The following FUT8 variants were observed in gnomAD, a reference collection of about 807,000 sequenced individuals.
FUT8 encodes the protein fucosyltransferase 8.
Under a neutral mutation model 71.3 loss-of-function variants are expected in FUT8, and 29 were observed. That is an observed-to-expected ratio of 0.41 (90% confidence interval 0.30 to 0.55). The LOEUF is 0.55. FUT8 is among the 20% of genes least tolerant of loss of function. The pLI is 0.34. For synonymous variants in FUT8, 254 were observed against 239.3 expected, an observed-to-expected ratio of 1.06 and a Z score of -0.57; for missense variants, 544 against 702.1, an observed-to-expected ratio of 0.77 and a Z score of 2.55.
chr14:65,450,823 G>C lies in FUT8; in HGVS notation c.-325-4798G>C, dbSNP rs534812121. Reference sequence around the variant, plus strand: ...TTTCCCTGACTCCTTTGTGGGACTCGCAACAGGGGTGCCTTGTTTACCCAG... The same window carrying C: ...TTTCCCTGACTCCTTTGTGGGACTCCCAACAGGGGTGCCTTGTTTACCCAG... On this transcript the variant is annotated intron_variant, in intron 1 of 10. Coordinates refer to ENST00000673929, the MANE Select transcript of FUT8 (RefSeq NM_001371533.1). 2.6e-5 allele frequency among the ~76,000 whole-genome samples: 4 copies of C among 151,290 alleles called. No homozygotes were observed. The South Asian group carries it at 8.4e-4, about 32-fold the overall frequency.
In FUT8 at chr14:65,629,857, C is replaced by CACAA. The variant is rs879281017; in HGVS notation, c.597+252_597+253insCAAA. Among the ~76,000 whole-genome samples, 7,882 of 143,948 alleles carry CACAA rather than the reference C, an allele frequency of 0.055. 250 individuals carry two copies. The highest frequency in any genetic ancestry group is 0.11 in the Admixed American group (1,552 of 14,346). The allele number at this position is 143,948 out of a possible 152,430, so 94.4% of individuals were successfully genotyped here. On this transcript the variant is annotated intron_variant, in intron 6 of 10. Coordinates refer to ENST00000673929, the MANE Select transcript of FUT8 (RefSeq NM_001371533.1). ...ACACACACACACACACACACACACA[C>CACAA]AATACAATACAAATATAACATCTTA...
At chr14:65,680,184 G>A (rs1289991982) in intron 7 of FUT8, among the ~76,000 whole-genome samples, 1 of 152,222 alleles carries the variant, frequency 6.6e-6, no homozygotes, top group East Asian at 1.9e-4. Context: ...TATTATAGTT[G>A]AAAGGCCAGA....
intron 3 of FUT8, among the ~76,000 whole-genome samples, chr14:65,596,412 T>C (rs149153248): frequency 6.6e-5 from 10 of 152,328 alleles, no homozygotes; most frequent in Admixed American, 2.6e-4. Flanking sequence ...TATCATATAA[T>C]TTTATAGTAT....
intron 1 of FUT8, among the ~76,000 whole-genome samples, chr14:65,419,352 A>C (rs1266670859): frequency 6.6e-6 from 1 of 152,226 alleles, no homozygotes; most frequent in African/African-American, 2.4e-5. Flanking sequence ...TGTTCATTGA[A>C]GAGAACTAAC....
At position 65,517,947 on chromosome 14, in the gene FUT8, A is replaced by G. The variant is rs561217812; in HGVS notation, c.-227-43390A>G. ...GAGTTAGCATGCTTAGAGGTTTCAC[A>G]GCAGAGCTGCTTTGTGGTGATTTTT... On this transcript the variant is annotated intron_variant, in intron 2 of 10. Transcript: ENST00000673929. 3.6e-3 allele frequency among the ~76,000 whole-genome samples: 530 copies of G among 147,554 alleles called. 2 individuals carry two copies. Among genetic ancestry groups the G allele is most frequent in the African/African-American group, 0.013 (503 of 39,732 alleles).
intron 2 of FUT8, among the ~76,000 whole-genome samples, chr14:65,542,373 C>T (rs1239319002): frequency 3.3e-5 from 5 of 152,122 alleles, no homozygotes; most frequent in African/African-American, 1.2e-4. Flanking sequence ...TTATCAGATC[C>T]CTCTGTGTCC....
intron 2 of FUT8, among the ~76,000 whole-genome samples, chr14:65,481,247 A>G (rs1195774878): frequency 2.6e-5 from 4 of 152,112 alleles, no homozygotes; most frequent in Non-Finnish European, 5.9e-5. Flanking sequence ...GTTCATTTGC[A>G]TATTTTCTTT....
At chr14:65,559,574 A>G (rs1480856875) in intron 2 of FUT8, among the ~76,000 whole-genome samples, 1 of 149,888 alleles carries the variant, frequency 6.7e-6, no homozygotes, top group Non-Finnish European at 1.5e-5. Flanking sequence ...CAGTTTCAGC[A>G]TATAAGTATA....
chr14:65,646,609 C>CA (rs3216656), intron 6 of FUT8: 54,075 of 151,946 alleles, frequency 0.36, 11,946 homozygotes, highest in Non-Finnish European at 0.5. Flanking sequence ...GTAAGTCAGC[C>CA]ATACCCTAGG....
chr14:65,515,511 A>C (rs904882958), intron 2 of FUT8, among the ~76,000 whole-genome samples: 4 of 151,730 alleles, frequency 2.6e-5, no homozygotes, highest in Non-Finnish European at 5.9e-5. Context: ...ATTTCACTAT[A>C]TAATGTTTTG....
At chr14:65,502,949 T>C (rs1006705826) in intron 2 of FUT8, among the ~76,000 whole-genome samples, 2 of 152,204 alleles carry the variant, frequency 1.3e-5, no homozygotes, top group Non-Finnish European at 2.9e-5. Flanking sequence ...GACCAGACTT[T>C]TTTAACTCCC....
chr14:65,444,625 T>C (rs2065710909), intron 1 of FUT8, among the ~76,000 whole-genome samples: 1 of 152,246 alleles, frequency 6.6e-6, no homozygotes, highest in African/African-American at 2.4e-5. Context: ...GAATGAACTG[T>C]TGATACGTGT....
intron 7 of FUT8, among the ~76,000 whole-genome samples, chr14:65,698,863 T>G (rs1402576769): frequency 6.6e-6 from 1 of 152,168 alleles, no homozygotes; most frequent in East Asian, 1.9e-4. Flanking sequence ...ATGAATAGGT[T>G]TATGTTTATG....
chr14:65,678,361 T>C (rs536859285), intron 7 of FUT8, among the ~76,000 whole-genome samples: 1 of 152,262 alleles, frequency 6.6e-6, no homozygotes, highest in African/African-American at 2.4e-5. Context: ...TTATTTAGGT[T>C]GCCCTGTAAA....
chr14:65,589,154 G>A (rs1887547981), intron 3 of FUT8, among the ~76,000 whole-genome samples: 1 of 152,124 alleles, frequency 6.6e-6, no homozygotes, highest in South Asian at 2.1e-4. Flanking sequence ...ATCCACCAAT[G>A]GGTACTGCTT....
chr14:65,389,160 A>G, the FUT8 span, among the ~76,000 whole-genome samples: 1 of 150,386 alleles, frequency 6.6e-6, no homozygotes, highest in Non-Finnish European at 1.5e-5. Context: ...TACCTGACAT[A>G]CTATATATAT....
chr14:65,640,833 T>C (rs1890791182), intron 6 of FUT8, among the ~76,000 whole-genome samples: 1 of 152,162 alleles, frequency 6.6e-6, no homozygotes, highest in Admixed American at 6.5e-5. Context: ...TCCATAAATA[T>C]TTTTGTATGA....
chr14:65,603,513 A>G lies in FUT8; in HGVS notation c.204-12465A>G, dbSNP rs1434270507. Among the ~76,000 whole-genome samples, 1 of 151,720 alleles carries G rather than the reference A, an allele frequency of 6.6e-6. No homozygotes were observed. The highest frequency in any genetic ancestry group is 2.4e-5 in the African/African-American group (1 of 41,356). The stretch of plus-strand genomic sequence containing the variant: ...AGAATTGTTTTTTTCTAATTCTGTA[A>G]AGAATGATGGCGGTATTTTGATGGG... On this transcript the variant is annotated intron_variant, in intron 3 of 10. Transcript: ENST00000673929. This position sits in a 1 kb window ranked among gnomAD's most constrained non-coding sequence, Gnocchi z 4.5.
rs1387213724 is a variant in FUT8, at chr14:65,677,175, T to C, written c.835+7695T>C. On this transcript the variant is annotated intron_variant, in intron 7 of 10. Transcript: ENST00000673929. ...GTGCGCGCGCGCATGCGCGCGCACGTATGTGTGTGCGCATGTGTGTTTTTA... is the reference window on the plus strand; with the variant it reads ...GTGCGCGCGCGCATGCGCGCGCACGCATGTGTGTGCGCATGTGTGTTTTTA... Among the ~76,000 whole-genome samples the C allele has an allele frequency of 2.7e-3, 242 of 89,574 alleles. 3 individuals carry two copies. The highest frequency in any genetic ancestry group is 0.01 in the African/African-American group (231 of 22,570). The allele number at this position is 89,574 out of a possible 152,430, so 58.8% of individuals were successfully genotyped here.
Sources: allele counts gnomAD v4.1 joint callset (sites outside exome capture counted in the v4.1 genomes callset), GRCh38; gene constraint gnomAD v4.1.1; non-coding constraint Gnocchi (gnomAD v3.1); transcripts MANE v1.5; gene names NCBI Gene and HGNC (gene_info 2026-07-23, HGNC 2026-07-21).